The following ROR2 variants were observed in gnomAD, a reference collection of about 807,000 sequenced individuals.
ROR2 encodes tyrosine-protein kinase transmembrane receptor ROR2.
In ROR2, 33 loss-of-function variants were observed where a neutral mutation model predicts 74.9. That is an observed-to-expected ratio of 0.44 (90% CI 0.33 to 0.59). The LOEUF (loss-of-function observed/expected upper bound fraction) is 0.59. ROR2 is among the 20% of genes least tolerant of loss of function. ROR2 has a pLI of 0.02. For missense variants in ROR2, 1,216 were observed against 1,313.8 expected, an observed-to-expected ratio of 0.93 and a Z score of 1.15; for synonymous variants, 586 against 558.7, an observed-to-expected ratio of 1.05 and a Z score of -0.69.
At chr9:91,764,586 AC>A (rs932271758) in intron 2 of ROR2, among the ~76,000 whole-genome samples, 1 of 150,342 alleles carries the variant, frequency 6.7e-6, no homozygotes, top group Non-Finnish European at 1.5e-5. Context: ...ACACACACAC[AC>A]CACACACATT....
intron 1 of ROR2, among the ~76,000 whole-genome samples, chr9:91,821,743 G>A (rs575811753): frequency 4.3e-4 from 66 of 152,244 alleles, no homozygotes; most frequent in Admixed American, 1.1e-3. Flanking sequence ...CTGCCCTGGC[G>A]AAGATCCTCA....
intron 1 of ROR2, among the ~76,000 whole-genome samples, chr9:91,788,852 C>G (rs1826882307): frequency 7.2e-6 from 1 of 139,800 alleles, no homozygotes; most frequent in Non-Finnish European, 1.5e-5. Flanking sequence ...CAGAGCGAGA[C>G]TCTGTCTCAA....
intron 1 of ROR2, among the ~76,000 whole-genome samples, chr9:91,895,619 G>A (rs1030753924): frequency 5.3e-5 from 8 of 152,222 alleles, no homozygotes; most frequent in Middle Eastern, 3.4e-3. Context: ...TGAGGCGGGC[G>A]GATCACTTGA....
At chr9:91,743,888 T>G (rs1825322940) in intron 4 of ROR2, among the ~76,000 whole-genome samples, 1 of 152,228 alleles carries the variant, frequency 6.6e-6, no homozygotes, top group South Asian at 2.1e-4. Flanking sequence ...TGAAAACATG[T>G]TCACAAAAAT....
chr9:91,927,741 T>G (rs2117924895), intron 1 of ROR2, among the ~76,000 whole-genome samples: 1 of 151,998 alleles, frequency 6.6e-6, no homozygotes, highest in Non-Finnish European at 1.5e-5. Context: ...TTTTTTGTAT[T>G]TTAGTAGAGA....
Position 91,826,493 on chromosome 9 carries a change from TA to T in ROR2, c.98-50676del, listed in dbSNP as rs1828294400. Among the ~76,000 whole-genome samples the T allele has an allele frequency of 7.2e-5, 11 of 152,282 alleles. No individual in the cohort carries two copies. In the South Asian group the frequency reaches 2.3e-3, roughly 32 times the overall value. ...ATCAGTGGTTAGTTACTGGGTTAAATAAATGTGGCTGGGCGTGGTGCCTCAC... is the reference window on the plus strand; with the variant it reads ...ATCAGTGGTTAGTTACTGGGTTAAATAATGTGGCTGGGCGTGGTGCCTCAC... On this transcript the variant is annotated intron_variant, in intron 1 of 8. Coordinates refer to ENST00000375708, the MANE Select transcript of ROR2 (RefSeq NM_004560.4).
In ROR2 at chr9:91,756,110, A is replaced by C; in HGVS notation, c.464-9T>G. The C allele has an allele frequency of 6.2e-7, 1 of 1,613,810 alleles. No individual in the cohort carries two copies. The highest frequency in any genetic ancestry group is 8.5e-7 in the Non-Finnish European group (1 of 1,179,650). On this transcript the variant is annotated splice_polypyrimidine_tract_variant and intron_variant, in intron 3 of 8. Coordinates refer to ENST00000375708, the MANE Select transcript of ROR2 (RefSeq NM_004560.4). Reference sequence around the variant, plus strand: ...TGGGCTGTGCGTTGGACCTAAAAAGAGGAAACAAAAAGACAAGTTATTAAT... The same window carrying C: ...TGGGCTGTGCGTTGGACCTAAAAAGCGGAAACAAAAAGACAAGTTATTAAT...
chr9:91,798,740 T>C (rs1456497977), intron 1 of ROR2, among the ~76,000 whole-genome samples: 4 of 151,602 alleles, frequency 2.6e-5, no homozygotes, highest in Non-Finnish European at 2.9e-5. Flanking sequence ...AATTTTTCAG[T>C]GTGAGATGCC....
At chr9:91,889,204 G>A (rs924722515) in intron 1 of ROR2, among the ~76,000 whole-genome samples, 5 of 152,132 alleles carry the variant, frequency 3.3e-5, no homozygotes, top group East Asian at 1.9e-4. Context: ...AGGAGCAACC[G>A]CTGCCTGCAA....
At chr9:91,846,418 A>T (rs1313546715) in intron 1 of ROR2, among the ~76,000 whole-genome samples, 2 of 152,170 alleles carry the variant, frequency 1.3e-5, no homozygotes, top group Non-Finnish European at 1.5e-5. Flanking sequence ...GCGGCCATCT[A>T]CAAGCCAAGA....
chr9:91,916,919 T>A (rs1194279839), intron 1 of ROR2, among the ~76,000 whole-genome samples: 1 of 151,994 alleles, frequency 6.6e-6, no homozygotes, highest in Non-Finnish European at 1.5e-5. Context: ...ATGGTCGAGG[T>A]TGTCCCATGC....
At chr9:91,902,998 G>C (rs1006328622) in intron 1 of ROR2, among the ~76,000 whole-genome samples, 4 of 152,076 alleles carry the variant, frequency 2.6e-5, no homozygotes, top group Non-Finnish European at 5.9e-5. Flanking sequence ...AGTTTCTGTC[G>C]GGGATGATGA....
At chr9:91,879,073 TA>T (rs550384406) in intron 1 of ROR2, among the ~76,000 whole-genome samples, 1,635 of 129,394 alleles carry the variant, frequency 0.013, 21 homozygotes, top group African/African-American at 0.031. Flanking sequence ...AAACAAACAA[TA>T]AAAAAAAAAA....
intron 1 of ROR2, among the ~76,000 whole-genome samples, chr9:91,820,091 C>T (rs1233869257): frequency 6.6e-6 from 1 of 152,214 alleles, no homozygotes; most frequent in Non-Finnish European, 1.5e-5. Context: ...GCCTTCAACA[C>T]TACAGCTATC....
intron 2 of ROR2, among the ~76,000 whole-genome samples, chr9:91,771,054 T>C (rs951450738): frequency 5.9e-5 from 9 of 152,172 alleles, no homozygotes; most frequent in African/African-American, 1.9e-4. Context: ...ATGGCACAAA[T>C]AGCAGGGAAC....
chr9:91,778,765 T>C (rs10992094), intron 1 of ROR2, among the ~76,000 whole-genome samples: 19,600 of 152,132 alleles, frequency 0.13, 1,323 homozygotes, highest in Middle Eastern at 0.21. Context: ...CCCTGACTTT[T>C]CTCCGCTGGA....
At chr9:91,880,417 T>C (rs888492541) in intron 1 of ROR2, among the ~76,000 whole-genome samples, 1 of 152,234 alleles carries the variant, frequency 6.6e-6, no homozygotes, top group African/African-American at 2.4e-5. Flanking sequence ...TGTAGGTGCA[T>C]CAGCTATAGA....
intron 1 of ROR2, among the ~76,000 whole-genome samples, chr9:91,938,424 C>G (rs1005785114): frequency 2.6e-5 from 4 of 152,216 alleles, no homozygotes; most frequent in African/African-American, 9.6e-5. Context: ...CACCACCACA[C>G]TCCAGCCTGG....
intron 1 of ROR2, among the ~76,000 whole-genome samples, chr9:91,783,501 CTTCT>C (rs1351536508): frequency 6.6e-6 from 1 of 152,140 alleles, no homozygotes; most frequent in Non-Finnish European, 1.5e-5. Context: ...AAACCCCTCC[CTTCT>C]GAGGCCAACT....
Sources: gnomAD v4.1 joint callset for allele counts (sites outside exome capture counted in the v4.1 genomes callset) on GRCh38, gnomAD v4.1.1 for gene constraint, MANE v1.5 for transcripts, NCBI Gene and HGNC (gene_info 2026-07-23, HGNC 2026-07-21) for gene names.